Variants in NKAIN2 observed in about 807,000 individuals in gnomAD.
NKAIN2 encodes sodium/potassium transporting ATPase interacting 2.
NKAIN2 carries 14 observed loss-of-function variants against 32.6 expected under a neutral mutation model. That is an observed-to-expected ratio of 0.43 (90% CI 0.28 to 0.67). The LOEUF (loss-of-function observed/expected upper bound fraction) is 0.67, where lower values mean the gene tolerates loss of function less well. Ranked by LOEUF, NKAIN2 falls within the 30% of genes least tolerant of loss-of-function variation. The probability of loss-of-function intolerance (pLI) is 0.17; values close to 1 mark genes in which losing one functional copy is unlikely to be tolerated. For synonymous variants in NKAIN2, 80 were observed against 87.2 expected, an observed-to-expected ratio of 0.92 and a Z score of 0.46; for missense variants, 198 against 258.3, an observed-to-expected ratio of 0.77 and a Z score of 1.60.
chr6:124,377,722 T>C lies in NKAIN2; in HGVS notation c.273+22375T>C, dbSNP rs370317400. 8.9e-4 allele frequency among the ~76,000 whole-genome samples: 136 copies of C among 152,264 alleles called. 1 individual carries two copies. Among genetic ancestry groups the C allele is most frequent in the African/African-American group, 1.2e-3 (49 of 41,564 alleles). On this transcript the variant is annotated intron_variant, in intron 3 of 6. Coordinates refer to ENST00000368417, the MANE Select transcript of NKAIN2 (RefSeq NM_001040214.3). ...ACCATTGAACTTTACCATGAGAAGA[T>C]TGAGGTAAATGGAATGATTTTTAGC...
chr6:123,941,059 A>T (rs1459075669), intron 1 of NKAIN2, among the ~76,000 whole-genome samples: 1 of 151,618 alleles, frequency 6.6e-6, no homozygotes, highest in Non-Finnish European at 1.5e-5. Context: ...TACTTTTTAA[A>T]CTTTTTTGGT....
rs73557095 is a variant in NKAIN2, at chr6:124,002,041, C to T, written c.54+197787C>T. 8.3e-3 allele frequency among the ~76,000 whole-genome samples: 1,261 copies of T among 151,916 alleles called. 19 individuals carry two copies. The highest frequency in any genetic ancestry group is 0.021 in the African/African-American group (851 of 41,490). ...GTGCTATACAACAGTGATACAGAGA[C>T]GAATTCATATGCTGAAGCAAATTCT... On this transcript the variant is annotated intron_variant, in intron 1 of 6. Coordinates refer to ENST00000368417, the MANE Select transcript of NKAIN2 (RefSeq NM_001040214.3).
At chr6:124,720,050 C>A (rs1775939463) in intron 4 of NKAIN2, among the ~76,000 whole-genome samples, 1 of 151,798 alleles carries the variant, frequency 6.6e-6, no homozygotes, top group Admixed American at 6.6e-5. Context: ...CTTTAGAGGA[C>A]TGAATTTTTT....
intron 3 of NKAIN2, among the ~76,000 whole-genome samples, chr6:124,612,600 C>A (rs1441597179): frequency 1.3e-5 from 2 of 152,158 alleles, no homozygotes. Flanking sequence ...CCACAATGTA[C>A]AACTTACATA....
At chr6:124,821,698 T>C (rs1222218116) in intron 6 of NKAIN2, among the ~76,000 whole-genome samples, 2 of 152,354 alleles carry the variant, frequency 1.3e-5, no homozygotes, top group Non-Finnish European at 2.9e-5. Flanking sequence ...ATTTCAAGTC[T>C]CACTGGTCAT....
chr6:124,276,690 A>G (rs900343859), intron 1 of NKAIN2, among the ~76,000 whole-genome samples: 3 of 152,172 alleles, frequency 2.0e-5, no homozygotes, highest in African/African-American at 7.2e-5. Flanking sequence ...GTGATATTTT[A>G]GGCAATCTTG....
chr6:124,466,395 C>T (rs1398890273), intron 3 of NKAIN2, among the ~76,000 whole-genome samples: 1 of 152,052 alleles, frequency 6.6e-6, no homozygotes, highest in African/African-American at 2.4e-5. Flanking sequence ...AGTAATTCAG[C>T]TTTCAAATGA....
rs532812661 is a variant in NKAIN2, at chr6:123,911,648, A to T, written c.54+107394A>T. Among the ~76,000 whole-genome samples the T allele has an allele frequency of 1.5e-4, 23 of 151,972 alleles. No individual in the cohort carries two copies. In the South Asian group the frequency reaches 4.6e-3, roughly 30 times the overall value. ...ACTATCCATGCCATGCCATTATTTT[A>T]TATACAAATCTGGAGAAGAAGCATT... On this transcript the variant is annotated intron_variant, in intron 1 of 6. Transcript: ENST00000368417.
chr6:123,919,858 A>G (rs235665), intron 1 of NKAIN2, among the ~76,000 whole-genome samples: 60,023 of 151,932 alleles, frequency 0.4, 12,359 homozygotes, highest in African/African-American at 0.5. Context: ...CCTGGCTACC[A>G]TGAGGAAAAA....
chr6:124,779,789 A>C (rs6903822), intron 4 of NKAIN2, among the ~76,000 whole-genome samples: 27,563 of 152,112 alleles, frequency 0.18, 3,301 homozygotes, highest in African/African-American at 0.33. Context: ...TGCTACCCAG[A>C]TGATTCACAG....
At chr6:124,233,336 A>G (rs1792561069) in intron 1 of NKAIN2, among the ~76,000 whole-genome samples, 1 of 152,194 alleles carries the variant, frequency 6.6e-6, no homozygotes, top group South Asian at 2.1e-4. Context: ...ATTGAAATGC[A>G]ATTGGCTGTC....
intron 1 of NKAIN2, among the ~76,000 whole-genome samples, chr6:124,224,746 T>TCA (rs1792018176): frequency 6.6e-6 from 1 of 152,088 alleles, no homozygotes; most frequent in African/African-American, 2.4e-5. Flanking sequence ...AATACATGGG[T>TCA]CACAGGCATT....
At chr6:123,882,857 A>G (rs1773513304) in intron 1 of NKAIN2, among the ~76,000 whole-genome samples, 1 of 152,230 alleles carries the variant, frequency 6.6e-6, no homozygotes, top group East Asian at 1.9e-4. Context: ...ATGTAGATGT[A>G]GTTGGTTCCA....
At chr6:123,867,306 G>A (rs1296073553) in intron 1 of NKAIN2, among the ~76,000 whole-genome samples, 1 of 152,158 alleles carries the variant, frequency 6.6e-6, no homozygotes, top group Non-Finnish European at 1.5e-5. Flanking sequence ...ACAAGTACAT[G>A]TTCCTCAGCA....
At position 124,269,012 on chromosome 6, in the gene NKAIN2, A is replaced by C. The variant is rs143170766; in HGVS notation, c.55-13993A>C. On this transcript the variant is annotated intron_variant, in intron 1 of 6. Coordinates refer to ENST00000368417, the MANE Select transcript of NKAIN2 (RefSeq NM_001040214.3). ...TATTAATATTAATAGTAGTATGTAAAATATGTGCACAGATAGATAGAAGAA... is the reference window on the plus strand; with the variant it reads ...TATTAATATTAATAGTAGTATGTAACATATGTGCACAGATAGATAGAAGAA... 2.8e-3 allele frequency among the ~76,000 whole-genome samples: 428 copies of C among 152,294 alleles called. 2 individuals carry two copies. The highest frequency in any genetic ancestry group is 9.4e-3 in the African/African-American group (392 of 41,564).
chr6:124,801,996 A>G (rs909038749), intron 5 of NKAIN2, among the ~76,000 whole-genome samples: 8 of 152,214 alleles, frequency 5.3e-5, no homozygotes, highest in African/African-American at 1.2e-4. Flanking sequence ...CCAAATACCA[A>G]TAAAAATGTT....
chr6:124,598,676 G>GAAA (rs34291555), intron 3 of NKAIN2, among the ~76,000 whole-genome samples: 4 of 142,142 alleles, frequency 2.8e-5, no homozygotes, highest in African/African-American at 8.0e-5. Context: ...TGAAGATTTT[G>GAAA]AAAAAAAAAA....
intron 1 of NKAIN2, among the ~76,000 whole-genome samples, chr6:123,836,307 T>G (rs1300892162): frequency 6.6e-6 from 1 of 152,096 alleles, no homozygotes; most frequent in Non-Finnish European, 1.5e-5. Context: ...GTAAATTTAC[T>G]TTTGAGAATC....
At chr6:124,649,212 TAATA>T (rs1336391885) in intron 3 of NKAIN2, among the ~76,000 whole-genome samples, 2 of 152,110 alleles carry the variant, frequency 1.3e-5, no homozygotes, top group African/African-American at 4.8e-5. Context: ...TTGAAATGAT[TAATA>T]AATCATTAGG....
Sources: gnomAD v4.1 joint callset for allele counts (sites outside exome capture counted in the v4.1 genomes callset) on GRCh38, gnomAD v4.1.1 for gene constraint, MANE v1.5 for transcripts, NCBI Gene and HGNC (gene_info 2026-07-23, HGNC 2026-07-21) for gene names.